The following CACNA1E variants were observed in gnomAD, a reference collection of about 807,000 sequenced individuals.
CACNA1E encodes the protein voltage-dependent R-type calcium channel subunit alpha-1E.
A neutral mutation model predicts 259.2 loss-of-function variants in CACNA1E; 40 were observed. That is an observed-to-expected ratio of 0.15 (90% CI 0.12 to 0.20). The LOEUF is 0.20. Ranked by LOEUF, CACNA1E falls within the 10% of genes least tolerant of loss-of-function variation. CACNA1E has a pLI of 1.00. For missense variants in CACNA1E, 1,874 were observed against 3,040.1 expected (o/e 0.62, Z 9.02); for synonymous variants, 1,104 against 1,138.5 (o/e 0.97, Z 0.61).
chr1:181,705,158 G>A (rs1017592689), intron 7 of CACNA1E, among the ~76,000 whole-genome samples: 2 of 152,160 alleles, frequency 1.3e-5, no homozygotes, highest in Non-Finnish European at 2.9e-5. Flanking sequence ...GCTCCTTATA[G>A]GTTCATACAT....
intron 1 of CACNA1E, among the ~76,000 whole-genome samples, chr1:181,405,821 CT>C (rs1404298360): frequency 2.6e-5 from 4 of 152,186 alleles, no homozygotes; most frequent in African/African-American, 9.7e-5. Context: ...CATGCAAAAT[CT>C]TTCAAGTGCT....
At chr1:181,625,407 C>A (rs1222387288) in intron 6 of CACNA1E, among the ~76,000 whole-genome samples, 6 of 152,198 alleles carry the variant, frequency 3.9e-5, no homozygotes, top group Non-Finnish European at 5.9e-5. Flanking sequence ...CATTGAAAAT[C>A]TGTTGTTTAG....
Position 181,796,817 on chromosome 1 carries a change from A to G in CACNA1E, c.6358A>G (p.Arg2120Gly), listed in dbSNP as rs757667329. 5 of 1,608,976 alleles carry G rather than the reference A, an allele frequency of 3.1e-6. No homozygotes were observed. The highest frequency in any genetic ancestry group is 1.7e-5 in the Admixed American group (1 of 59,346). The change falls in exon 47 of 48, where the codon AGG becomes GGG. Residue 2120 changes from arginine to glycine, a missense_variant. Around this residue, in one of 14 missense-constraint regions of CACNA1E, gnomAD observed 542 missense variants for 587.2 expected, o/e 0.92. Transcript: ENST00000367573. Reference sequence around the variant, plus strand: ...GGAGTCCCCAGAGCGCCGTCAATCCAGGTCACCCAGTGAGGGCAGGTCACA... The same window carrying G: ...GGAGTCCCCAGAGCGCCGTCAATCCGGGTCACCCAGTGAGGGCAGGTCACA... ...DWESPERRQS[R>G]SPSEGRSQTP...
chr1:181,457,097 T>C (rs1207735789), intron 2 of CACNA1E, among the ~76,000 whole-genome samples: 1 of 152,194 alleles, frequency 6.6e-6, no homozygotes, highest in Non-Finnish European at 1.5e-5. Flanking sequence ...TTTTTATAGT[T>C]CTGGAGGCTG....
At chr1:181,755,677 T>C (rs1231823299) in intron 28 of CACNA1E, among the ~76,000 whole-genome samples, 1 of 152,204 alleles carries the variant, frequency 6.6e-6, no homozygotes, top group Non-Finnish European at 1.5e-5. Context: ...ATTTGCTTAT[T>C]ATACAAGTGG....
intron 1 of CACNA1E, among the ~76,000 whole-genome samples, chr1:181,508,707 G>C (rs1665925956): frequency 6.6e-6 from 1 of 152,194 alleles, no homozygotes; most frequent in Non-Finnish European, 1.5e-5. Context: ...TCCTTAGAAG[G>C]TGGTCATGCT....
At chr1:181,493,454 A>G (rs1207862708) in intron 1 of CACNA1E, among the ~76,000 whole-genome samples, 1 of 152,236 alleles carries the variant, frequency 6.6e-6, no homozygotes, top group African/African-American at 2.4e-5. Context: ...GAATACCTCC[A>G]GTGACAGGGT....
At chr1:181,729,984 G>A (rs528802256) in intron 18 of CACNA1E, among the ~76,000 whole-genome samples, 1 of 152,272 alleles carries the variant, frequency 6.6e-6, no homozygotes, top group South Asian at 2.1e-4. Flanking sequence ...CTGATGCTGA[G>A]GGTTGTATTC....
At chr1:181,483,326 C>G (rs1663462011), upstream of CACNA1E, 1 of 157,290 alleles carries the variant, frequency 6.4e-6, no homozygotes. Context: ...CTGCCTCTCT[C>G]CCTGAACTAG....
chr1:181,382,253 G>C (rs1037860233), intron 1 of CACNA1E, among the ~76,000 whole-genome samples: 8 of 152,224 alleles, frequency 5.3e-5, no homozygotes, highest in African/African-American at 1.9e-4. Context: ...CAGTTCAGGA[G>C]GGCAGTGTGG....
intron 38 of CACNA1E, among the ~76,000 whole-genome samples, chr1:181,779,897 C>A (rs1660280445): frequency 6.6e-6 from 1 of 151,798 alleles, no homozygotes; most frequent in Non-Finnish European, 1.5e-5. Context: ...TCTCCTTTCT[C>A]TATAGAATGC....
chr1:181,598,953 A>G lies in CACNA1E; in HGVS notation c.951+18177A>G, dbSNP rs1228805405. ...CCATTTTTTTTTTTTTAAATTTCTAAATTTTGTTTTAAGTTCAGGGGTATA... is the reference window on the plus strand; with the variant it reads ...CCATTTTTTTTTTTTTAAATTTCTAGATTTTGTTTTAAGTTCAGGGGTATA... On this transcript the variant is annotated intron_variant, in intron 6 of 47. Transcript: ENST00000367573. Among the ~76,000 whole-genome samples, 10 of 150,846 alleles carry G rather than the reference A, an allele frequency of 6.6e-5. 1 individual carries two copies. The highest frequency in any genetic ancestry group is 6.3e-4 in the South Asian group (3 of 4,794).
chr1:181,462,675 G>A (rs566236490), intron 2 of CACNA1E, among the ~76,000 whole-genome samples: 1 of 152,186 alleles, frequency 6.6e-6, no homozygotes, highest in African/African-American at 2.4e-5. Flanking sequence ...ATTACCATGT[G>A]CATTTTTGTA....
chr1:181,584,509 GCTGT>G (rs1651861461), intron 6 of CACNA1E, among the ~76,000 whole-genome samples: 1 of 152,136 alleles, frequency 6.6e-6, no homozygotes, highest in Non-Finnish European at 1.5e-5. Flanking sequence ...AATGACTGTG[GCTGT>G]CTTTTAAGTT....
chr1:181,576,666 T>C (rs1463682894), intron 3 of CACNA1E, among the ~76,000 whole-genome samples: 2 of 152,218 alleles, frequency 1.3e-5, no homozygotes, highest in Non-Finnish European at 2.9e-5. Context: ...CATTTCCTGA[T>C]GGTTCTGAGT....
At chr1:181,574,779 C>T (rs1010553965) in intron 3 of CACNA1E, among the ~76,000 whole-genome samples, 2 of 152,190 alleles carry the variant, frequency 1.3e-5, no homozygotes, top group Non-Finnish European at 2.9e-5. Flanking sequence ...GTAATCCCAG[C>T]ACTTTGGGAG....
intron 1 of CACNA1E, among the ~76,000 whole-genome samples, chr1:181,494,954 C>T (rs1467214346): frequency 2.0e-5 from 3 of 152,206 alleles, no homozygotes; most frequent in African/African-American, 7.2e-5. Context: ...AGCCTACTGA[C>T]ATTTCTGTAT....
At position 181,720,143 on chromosome 1, in the gene CACNA1E, C is replaced by T. The variant is rs962495405; in HGVS notation, c.1752-63C>T. 13 of 1,594,400 alleles carry T rather than the reference C, an allele frequency of 8.2e-6. No homozygotes were observed. In the Admixed American group the frequency reaches 8.4e-5, roughly 10 times the overall value. On this transcript the variant is annotated intron_variant, in intron 13 of 47. Transcript: ENST00000367573. ...CATAGACTACCAGGCATATGCTGAG[C>T]TGGGCTTGGTGGGTGACTTGGTATG...
At chr1:181,705,518 A>ATACATATG (rs1652710121) in intron 7 of CACNA1E, among the ~76,000 whole-genome samples, 1 of 152,194 alleles carries the variant, frequency 6.6e-6, no homozygotes, top group Non-Finnish European at 1.5e-5. Context: ...CAAACCTTGC[A>ATACATATG]TACATATGTA....
Sources: gnomAD v4.1 joint callset for allele counts (sites outside exome capture counted in the v4.1 genomes callset) on GRCh38, gnomAD v4.1.1 for gene constraint, gnomAD v4.1.1 regional missense constraint, MANE v1.5 for transcripts, NCBI Gene and HGNC (gene_info 2026-07-23, HGNC 2026-07-21) for gene names.